The following SGCZ variants were observed in gnomAD, a reference collection of about 807,000 sequenced individuals.
The protein encoded by SGCZ is zeta-sarcoglycan.
SGCZ carries 40 observed loss-of-function variants against 41.3 expected under a neutral mutation model. The ratio of observed to expected loss-of-function variants is 0.97; its 90% CI spans 0.75 to 1.26. The LOEUF (loss-of-function observed/expected upper bound fraction) is 1.26. Among genes scored for constraint, SGCZ ranks in the 50% most tolerant of loss-of-function variants. The probability of loss-of-function intolerance (pLI) is 0.00; values close to 1 mark genes in which losing one functional copy is unlikely to be tolerated. For synonymous variants in SGCZ, 206 were observed against 137.5 expected (o/e 1.50, Z -3.49); for missense variants, 552 against 369.8 (o/e 1.49, Z -4.04).
At chr8:14,377,587 G>C (rs1804181540) in intron 2 of SGCZ, among the ~76,000 whole-genome samples, 1 of 151,510 alleles carries the variant, frequency 6.6e-6, no homozygotes, top group Non-Finnish European at 1.5e-5. Flanking sequence ...GTGCAGGTTA[G>C]TTACATATGT....
intron 1 of SGCZ, among the ~76,000 whole-genome samples, chr8:14,573,167 C>A (rs966993353): frequency 6.7e-6 from 1 of 149,088 alleles, no homozygotes; most frequent in African/African-American, 2.5e-5. Context: ...TTTAAATTTG[C>A]CTCCAAGCTT....
intron 5 of SGCZ, among the ~76,000 whole-genome samples, chr8:14,113,595 C>A (rs564738568): frequency 5.9e-5 from 9 of 152,114 alleles, no homozygotes; most frequent in African/African-American, 2.2e-4. Flanking sequence ...ATATTCCACA[C>A]AACCAGGTGA....
chr8:14,582,853 G>C (rs888604149), intron 1 of SGCZ, among the ~76,000 whole-genome samples: 3 of 151,202 alleles, frequency 2.0e-5, no homozygotes, highest in Admixed American at 6.6e-5. Context: ...ATTTTTTGTG[G>C]CTGCATAGTA....
intron 5 of SGCZ, among the ~76,000 whole-genome samples, chr8:14,133,365 G>A (rs999308888): frequency 6.6e-6 from 1 of 152,124 alleles, no homozygotes; most frequent in Non-Finnish European, 1.5e-5. Flanking sequence ...AGCTTGCATT[G>A]TTTTTTGAGC....
intron 1 of SGCZ, among the ~76,000 whole-genome samples, chr8:14,886,471 G>A (rs1455477630): frequency 1.3e-5 from 2 of 152,040 alleles, no homozygotes; most frequent in Non-Finnish European, 2.9e-5. Flanking sequence ...GGTGGTGAGA[G>A]AAGGCTTCAC....
chr8:15,040,126 G>C (rs1001413103), intron 1 of SGCZ, among the ~76,000 whole-genome samples: 3 of 152,198 alleles, frequency 2.0e-5, no homozygotes, highest in African/African-American at 7.2e-5. Flanking sequence ...CAGCAAATTT[G>C]TTATTTAAAT....
intron 1 of SGCZ, among the ~76,000 whole-genome samples, chr8:14,745,044 G>A (rs973120509): frequency 6.6e-6 from 1 of 152,096 alleles, no homozygotes; most frequent in African/African-American, 2.4e-5. Flanking sequence ...TATTTACTCT[G>A]TATAACGTAA....
intron 3 of SGCZ, among the ~76,000 whole-genome samples, chr8:14,242,004 C>A (rs1282136617): frequency 6.6e-6 from 1 of 152,152 alleles, no homozygotes; most frequent in Non-Finnish European, 1.5e-5. Context: ...CTGCTAACCA[C>A]TGGATACAAA....
At chr8:14,168,326 TATA>T (rs1195096868) in intron 4 of SGCZ, among the ~76,000 whole-genome samples, 2 of 143,980 alleles carry the variant, frequency 1.4e-5, no homozygotes, top group African/African-American at 5.9e-5. Flanking sequence ...TTTCATGAAA[TATA>T]AATATAAATA....
At chr8:14,496,599 G>C (rs548358094) in intron 2 of SGCZ, among the ~76,000 whole-genome samples, 3 of 152,152 alleles carry the variant, frequency 2.0e-5, no homozygotes, top group African/African-American at 4.8e-5. Context: ...GATTTTGAGA[G>C]TCTCTGTTTT....
chr8:15,216,844 C>T (rs1015395211), intron 1 of SGCZ, among the ~76,000 whole-genome samples: 7 of 152,082 alleles, frequency 4.6e-5, no homozygotes, highest in Non-Finnish European at 1.0e-4. Context: ...AAACTCTTCA[C>T]TTCTTGAGCT....
chr8:14,853,203 C>G (rs559042132), intron 1 of SGCZ, among the ~76,000 whole-genome samples: 1 of 152,290 alleles, frequency 6.6e-6, no homozygotes, highest in East Asian at 1.9e-4. Flanking sequence ...GTTATTTTCT[C>G]TTTATGGTAT....
In SGCZ at chr8:14,746,999, A is replaced by G. The variant is rs147617712; in HGVS notation, c.40-192073T>C. Among the ~76,000 whole-genome samples, 1,100 of 152,350 alleles carry G rather than the reference A, an allele frequency of 7.2e-3. 9 individuals are homozygous for G. The highest frequency in any genetic ancestry group is 0.02 in the Middle Eastern group (6 of 294). ...ATACAGTTTATTCTCTACAGGGAGT[A>G]GCAGTTTTCCTGGGAACAAATTATG... is the stretch of plus-strand genomic sequence containing the variant. On this transcript the variant is annotated intron_variant, in intron 1 of 7. Coordinates refer to ENST00000382080, the MANE Select transcript of SGCZ (RefSeq NM_139167.4).
chr8:14,314,224 C>T (rs555637376), intron 3 of SGCZ, among the ~76,000 whole-genome samples: 196 of 152,166 alleles, frequency 1.3e-3, no homozygotes, highest in Admixed American at 3.1e-3. Context: ...TTTGCCCACA[C>T]ATATTATTTA....
chr8:14,930,527 A>G (rs901488166), intron 1 of SGCZ, among the ~76,000 whole-genome samples: 3 of 152,162 alleles, frequency 2.0e-5, no homozygotes, highest in Admixed American at 2.0e-4. Flanking sequence ...CTATAAAGAC[A>G]CATGCCCATG....
chr8:14,307,985 A>T (rs910815468), intron 3 of SGCZ, among the ~76,000 whole-genome samples: 2 of 152,130 alleles, frequency 1.3e-5, no homozygotes, highest in Admixed American at 1.3e-4. Context: ...AGCAAATGAC[A>T]GAGATCTGTA....
At chr8:14,653,612 A>G (rs1807470551) in intron 1 of SGCZ, among the ~76,000 whole-genome samples, 1 of 152,010 alleles carries the variant, frequency 6.6e-6, no homozygotes, top group African/African-American at 2.4e-5. Flanking sequence ...TTTGACATAA[A>G]CTCTATTGAA....
At chr8:14,810,877 T>C (rs981734544) in intron 1 of SGCZ, among the ~76,000 whole-genome samples, 3 of 152,092 alleles carry the variant, frequency 2.0e-5, no homozygotes, top group African/African-American at 7.2e-5. Flanking sequence ...AAAAGTATTT[T>C]GTGCATAACA....
At chr8:14,571,211 A>G (rs1804542551) in intron 1 of SGCZ, among the ~76,000 whole-genome samples, 1 of 152,180 alleles carries the variant, frequency 6.6e-6, no homozygotes, top group African/African-American at 2.4e-5. Context: ...TTACAGAAAG[A>G]GCAGATCTCA....
Sources: gnomAD v4.1 joint callset for allele counts (sites outside exome capture counted in the v4.1 genomes callset) on GRCh38, gnomAD v4.1.1 for gene constraint, MANE v1.5 for transcripts, NCBI Gene and HGNC (gene_info 2026-07-23, HGNC 2026-07-21) for gene names.